The following GLIPR1L1 variants were observed in gnomAD, a reference collection of about 807,000 sequenced individuals.
GLIPR1L1 encodes GLIPR1 like 1, also known as GLIPR1-like protein 1.
In GLIPR1L1, 26 loss-of-function variants were observed where a neutral mutation model predicts 29.9. The observed-to-expected ratio is 0.87, with a 90% CI of 0.64 to 1.21. The LOEUF is 1.21. Ranked by LOEUF, GLIPR1L1 falls within the 50% of genes most tolerant of loss-of-function variation. GLIPR1L1 has a pLI of 0.00. For missense variants in GLIPR1L1, 305 were observed against 290.3 expected, an observed-to-expected ratio of 1.05 and a Z score of -0.37; for synonymous variants, 77 against 97.5, an observed-to-expected ratio of 0.79 and a Z score of 1.24.
At chr12:75,364,294 T>C (rs1196368383) in intron 4 of GLIPR1L1, among the ~76,000 whole-genome samples, 2 of 152,204 alleles carry the variant, frequency 1.3e-5, no homozygotes, top group South Asian at 2.1e-4. Context: ...TTGCCAAAAG[T>C]AGAGGTCCAT....
At chr12:75,359,446 G>A (rs571747155) in intron 3 of GLIPR1L1, among the ~76,000 whole-genome samples, 6 of 111,886 alleles carry the variant, frequency 5.4e-5, no homozygotes, top group Non-Finnish European at 1.0e-4. Flanking sequence ...GGATTTTATT[G>A]TATAAATTGA....
chr12:75,366,895 G>A (rs2044002885), intron 4 of GLIPR1L1: 2 of 701,594 alleles, frequency 2.9e-6, no homozygotes, highest in African/African-American at 1.7e-5. Context: ...GTTCCCTGTA[G>A]GGCCACTGCA....
intron 3 of GLIPR1L1, among the ~76,000 whole-genome samples, chr12:75,356,444 C>A (rs1406216095): frequency 6.6e-6 from 1 of 152,060 alleles, no homozygotes; most frequent in African/African-American, 2.4e-5. Flanking sequence ...CCTTGAAGTT[C>A]TTCTAATCCA....
intron 3 of GLIPR1L1, among the ~76,000 whole-genome samples, chr12:75,354,523 T>C (rs960855226): frequency 6.6e-6 from 1 of 152,172 alleles, no homozygotes; most frequent in Non-Finnish European, 1.5e-5. Context: ...TCATGGATAG[T>C]AAGAATCAAT....
At position 75,369,952 on chromosome 12, in the gene GLIPR1L1, T is replaced by C. The variant is rs2044249198; in HGVS notation, c.611-8T>C. 2.6e-6 allele frequency: 3 copies of C among 1,134,834 alleles called. No homozygotes were observed. The highest frequency in any genetic ancestry group is 2.4e-6 in the Non-Finnish European group (2 of 820,350). The allele number at this position is 1,134,834 out of a possible 1,614,324, so 70.3% of individuals were successfully genotyped here. On this transcript the variant is annotated splice_polypyrimidine_tract_variant and splice_region_variant and intron_variant, in intron 4 of 5. Transcript: ENST00000378695. Reference sequence around the variant, plus strand: ...ATTTTATAATATTAACTTTAATTTTTACTTTAGGGACTCCACAACTTATTA... The same window carrying C: ...ATTTTATAATATTAACTTTAATTTTCACTTTAGGGACTCCACAACTTATTA...
At chr12:75,352,082 T>C (rs2042854358) in intron 3 of GLIPR1L1, among the ~76,000 whole-genome samples, 1 of 152,138 alleles carries the variant, frequency 6.6e-6, no homozygotes, top group Admixed American at 6.5e-5. Flanking sequence ...AACAACACTA[T>C]GAAGCAACTA....
chr12:75,366,840 A>T (rs566593067), intron 4 of GLIPR1L1: 1 of 700,092 alleles, frequency 1.4e-6, no homozygotes, highest in East Asian at 2.7e-5. Flanking sequence ...GAACAGCTCT[A>T]TATGCATTTC....
intron 4 of GLIPR1L1, among the ~76,000 whole-genome samples, chr12:75,368,854 T>A (rs1048592425): frequency 3.9e-5 from 6 of 151,922 alleles, no homozygotes; most frequent in African/African-American, 7.2e-5. Flanking sequence ...TTTTAATTAC[T>A]AATTTTTTTC....
intron 3 of GLIPR1L1, among the ~76,000 whole-genome samples, chr12:75,355,990 G>A (rs1371563667): frequency 3.3e-5 from 5 of 152,098 alleles, no homozygotes; most frequent in Non-Finnish European, 7.4e-5. Context: ...GGTAGGGTGG[G>A]GAGAGGGAGA....
intron 3 of GLIPR1L1, among the ~76,000 whole-genome samples, chr12:75,362,598 T>C (rs1348630294): frequency 6.6e-6 from 1 of 152,206 alleles, no homozygotes; most frequent in Non-Finnish European, 1.5e-5. Context: ...TAACACATTT[T>C]TAAATCTTTC....
intron 1 of GLIPR1L1, among the ~76,000 whole-genome samples, chr12:75,339,093 T>A (rs891714335): frequency 1.3e-5 from 2 of 152,206 alleles, no homozygotes; most frequent in Non-Finnish European, 2.9e-5. Flanking sequence ...AATAGAATGA[T>A]CTATATTCCT....
chr12:75,362,815 C>A (rs2043695523), intron 3 of GLIPR1L1, among the ~76,000 whole-genome samples: 1 of 152,114 alleles, frequency 6.6e-6, no homozygotes, highest in African/African-American at 2.4e-5. Context: ...ATCATACTAT[C>A]TATGACAAAA....
At chr12:75,368,271 T>C (rs2044122475) in intron 4 of GLIPR1L1, among the ~76,000 whole-genome samples, 1 of 151,686 alleles carries the variant, frequency 6.6e-6, no homozygotes, top group Non-Finnish European at 1.5e-5. Flanking sequence ...TTTTTGCATT[T>C]ATTTTTAGAA....
chr12:75,360,101 A>G (rs1056932852), intron 3 of GLIPR1L1: 7 of 152,146 alleles, frequency 4.6e-5, no homozygotes, highest in African/African-American at 1.7e-4. Context: ...AACTGCCCCC[A>G]TGATCCAATC....
At chr12:75,361,257 C>G (rs2139593413) in intron 3 of GLIPR1L1, among the ~76,000 whole-genome samples, 1 of 152,194 alleles carries the variant, frequency 6.6e-6, no homozygotes, top group African/African-American at 2.4e-5. Flanking sequence ...CTGGCCACAA[C>G]AGTGTAGAAA....
intron 1 of GLIPR1L1, among the ~76,000 whole-genome samples, chr12:75,338,549 GT>G (rs1475003374): frequency 2.0e-5 from 3 of 150,858 alleles, no homozygotes; most frequent in African/African-American, 4.9e-5. Flanking sequence ...TTTAATAATA[GT>G]TTTGGGGAAA....
Position 75,355,727 on chromosome 12 carries a change from T to A in GLIPR1L1, c.522-7375T>A, listed in dbSNP as rs1366621338. ...TAATAGCAAAGACATGGAATCAACCTAAATGCCCATCAATGACAGACTGGA... is the reference window on the plus strand; with the variant it reads ...TAATAGCAAAGACATGGAATCAACCAAAATGCCCATCAATGACAGACTGGA... On this transcript the variant is annotated intron_variant, in intron 3 of 5. Coordinates refer to ENST00000378695, the MANE Select transcript of GLIPR1L1 (RefSeq NM_001304964.2). 2.6e-5 allele frequency among the ~76,000 whole-genome samples: 4 copies of A among 152,240 alleles called. No homozygotes were observed. The East Asian group carries it at 7.7e-4, about 29-fold the overall frequency.
intron 4 of GLIPR1L1, among the ~76,000 whole-genome samples, chr12:75,363,899 C>T (rs893167846): frequency 6.6e-6 from 1 of 152,086 alleles, no homozygotes; most frequent in African/African-American, 2.4e-5. Context: ...TCCAGAAAGG[C>T]AAGACAACTG....
chr12:75,344,557 TAATA>T (rs1349364100), intron 2 of GLIPR1L1, among the ~76,000 whole-genome samples: 19 of 152,274 alleles, frequency 1.2e-4, no homozygotes, highest in Admixed American at 3.3e-4. Flanking sequence ...TTGCAATAAT[TAATA>T]TTTTCCCTGC....
Sources: gnomAD v4.1 joint callset for allele counts (sites outside exome capture counted in the v4.1 genomes callset) on GRCh38, gnomAD v4.1.1 for gene constraint, MANE v1.5 for transcripts, NCBI Gene and HGNC (gene_info 2026-07-23, HGNC 2026-07-21) for gene names.